VPS13D: variants seen among roughly 807,000 people sequenced by gnomAD.
VPS13D encodes intermembrane lipid transfer protein VPS13D.
A neutral mutation model predicts 461.9 loss-of-function variants in VPS13D; 187 were observed. The ratio of observed to expected loss-of-function variants is 0.40; its 90% CI spans 0.36 to 0.46. The LOEUF (loss-of-function observed/expected upper bound fraction) is 0.46, where lower values mean the gene tolerates loss of function less well. Among genes scored for constraint, VPS13D ranks in the 20% least tolerant of loss-of-function variants. The probability of loss-of-function intolerance (pLI) is 0.60; values close to 1 mark genes in which losing one functional copy is unlikely to be tolerated. For missense variants in VPS13D, 4,711 were observed against 5,364.9 expected (o/e 0.88, Z 3.81); for synonymous variants, 1,951 against 1,986.3 (o/e 0.98, Z 0.47).
At chr1:12,342,808 G>T (rs1643599519) in intron 41 of VPS13D, 91 bp from the exon 42 acceptor site, 4 of 1,426,736 alleles carry the variant, frequency 2.8e-6, no homozygotes, top group Non-Finnish European at 3.8e-6. Flanking sequence ...GAATTGAGTT[G>T]TGAGAAGGTT....
Position 12,268,779 on chromosome 1 carries a change from G to A in VPS13D, c.1875G>A (p.Arg625=), listed in dbSNP as rs1641350155. 6.2e-7 allele frequency: 1 copy of A among 1,614,060 alleles called. No individual in the cohort carries two copies. Among genetic ancestry groups the A allele is most frequent in the East Asian group, 2.2e-5 (1 of 44,876 alleles). Residue 625 remains arginine, a synonymous_variant, in exon 16 of 70, where the codon CGG becomes CGA. Coordinates refer to ENST00000620676, the MANE Select transcript of VPS13D (RefSeq NM_015378.4). ...CGGCGCACAGCCACTTTGAGAGGCG[G>A]CTCAATGTCAGCACAAGGCCCTTGA... ...RNPAHSHFER[R]LNVSTRPLNI...
rs774904340 is a variant in VPS13D, at chr1:12,257,979, A to T, written c.986A>T (p.Glu329Val). ...WYFALNANLY[E>V]IREQRKRCTW... ...TTTGCTTTGAATGCTAACTTGTATG[A>T]GATCAGAGAGCAGAGGAAACGTTGC... is the stretch of plus-strand genomic sequence containing the variant. The change falls in exon 10 of 70, where the codon GAG becomes GTG. Residue 329 changes from glutamate to valine, a missense_variant. Around this residue, in one of 3 missense-constraint regions of VPS13D, gnomAD observed 4,411 missense variants for 4,937.8 expected, o/e 0.89. Transcript: ENST00000620676. 4.3e-6 allele frequency: 7 copies of T among 1,614,050 alleles called. No homozygotes were observed. The East Asian group carries it at 1.6e-4, about 36-fold the overall frequency.
intron 25 of VPS13D, among the ~76,000 whole-genome samples, chr1:12,302,444 G>A (rs1197241788): frequency 6.6e-6 from 1 of 152,130 alleles, no homozygotes; most frequent in Non-Finnish European, 1.5e-5. Context: ...AGTTAGCCTC[G>A]GCAGAAGAAT....
At chr1:12,323,355 T>C (rs1020058488) in intron 34 of VPS13D, among the ~76,000 whole-genome samples, 3 of 152,098 alleles carry the variant, frequency 2.0e-5, no homozygotes, top group Admixed American at 6.5e-5. Flanking sequence ...GGATTACTGG[T>C]GTGAGCCACT....
At chr1:12,274,249 C>T (rs1198163117) in intron 18 of VPS13D, among the ~76,000 whole-genome samples, 1 of 152,206 alleles carries the variant, frequency 6.6e-6, no homozygotes, top group Non-Finnish European at 1.5e-5. Context: ...CCACGTTGGC[C>T]AGTCTGGTCT....
intron 67 of VPS13D, among the ~76,000 whole-genome samples, chr1:12,493,354 G>T (rs1421395709): frequency 6.6e-6 from 1 of 151,874 alleles, no homozygotes; most frequent in African/African-American, 2.4e-5. Flanking sequence ...ATGGTGGCGG[G>T]CGCCTCTAAT....
At chr1:12,401,001 C>A (rs189872819) in intron 61 of VPS13D, among the ~76,000 whole-genome samples, 1 of 151,154 alleles carries the variant, frequency 6.6e-6, no homozygotes, top group Non-Finnish European at 1.5e-5. Flanking sequence ...CACACACACA[C>A]ACAATAACCC....
intron 15 of VPS13D, among the ~76,000 whole-genome samples, chr1:12,268,225 C>G (rs1380604029): frequency 1.4e-5 from 2 of 142,364 alleles, no homozygotes; most frequent in African/African-American, 2.6e-5. Flanking sequence ...GCTGGGATTA[C>G]AAGTGTGAGC....
chr1:12,409,353 C>A (rs1435058314), intron 63 of VPS13D, among the ~76,000 whole-genome samples: 1 of 152,034 alleles, frequency 6.6e-6, no homozygotes, highest in Non-Finnish European at 1.5e-5. Context: ...TAAATGTATT[C>A]TTGTTCCAAA....
In VPS13D at chr1:12,300,983, A is replaced by G. The variant is rs186666627; in HGVS notation, c.6216+1599A>G. Among the ~76,000 whole-genome samples the G allele has an allele frequency of 4.3e-3, 654 of 152,318 alleles. 2 individuals carry two copies. The highest frequency in any genetic ancestry group is 6.8e-3 in the Non-Finnish European group (464 of 68,022). On this transcript the variant is annotated intron_variant, in intron 25 of 69. Coordinates refer to ENST00000620676, the MANE Select transcript of VPS13D (RefSeq NM_015378.4). ...CTGAAATTCCCAGCTACTTATGCCT[A>G]TTTTTAGTATAATAGCTAATAACGT...
intron 46 of VPS13D, among the ~76,000 whole-genome samples, chr1:12,352,638 T>C (rs1643821261): frequency 6.6e-6 from 1 of 152,188 alleles, no homozygotes; most frequent in African/African-American, 2.4e-5. Context: ...ATGGTATAAC[T>C]ACTTTGGAGA....
intron 65 of VPS13D, among the ~76,000 whole-genome samples, chr1:12,432,609 CTTTT>C (rs758179241): frequency 7.2e-6 from 1 of 139,852 alleles, no homozygotes. Flanking sequence ...AATCCTTTCC[CTTTT>C]TTTTTTTTTT....
intron 54 of VPS13D, among the ~76,000 whole-genome samples, chr1:12,373,240 C>G (rs1244237823): frequency 1.3e-5 from 2 of 151,384 alleles, no homozygotes; most frequent in Non-Finnish European, 2.9e-5. Context: ...CATACCTCTG[C>G]CTCGTGAGTA....
rs753368227 is a variant in VPS13D, at chr1:12,355,997, C to T, written c.9778C>T (p.Arg3260Trp). 3 of 1,614,110 alleles carry T rather than the reference C, an allele frequency of 1.9e-6. No individual in the cohort carries two copies. The highest frequency in any genetic ancestry group is 1.7e-5 in the Admixed American group (1 of 60,030). ...VRMRLYDVNR[R>W]QLNLTIRIVC... Reference sequence around the variant, plus strand: ...AATGCGACTCTATGACGTCAACCGTCGGCAGCTGAACCTCACCATCCGGAT... The same window carrying T: ...AATGCGACTCTATGACGTCAACCGTTGGCAGCTGAACCTCACCATCCGGAT... Residue 3260 changes from arginine to tryptophan, a missense_variant, in exon 48 of 70, where the codon CGG (arginine) becomes TGG (tryptophan). Coordinates refer to ENST00000620676, the MANE Select transcript of VPS13D (RefSeq NM_015378.4).
intron 67 of VPS13D, among the ~76,000 whole-genome samples, chr1:12,487,053 C>T (rs1645806944): frequency 6.6e-6 from 1 of 152,146 alleles, no homozygotes; most frequent in South Asian, 2.1e-4. Context: ...CCCTGAGACC[C>T]TCCCAAGAGC....
intron 65 of VPS13D, among the ~76,000 whole-genome samples, chr1:12,436,121 C>T (rs1645057204): frequency 6.6e-6 from 1 of 152,222 alleles, no homozygotes; most frequent in East Asian, 1.9e-4. Flanking sequence ...ATAAACAAAA[C>T]AAAGCCCTCT....
intron 67 of VPS13D, among the ~76,000 whole-genome samples, chr1:12,489,941 G>A (rs1239616258): frequency 6.6e-6 from 1 of 152,192 alleles, no homozygotes; most frequent in Admixed American, 6.5e-5. Flanking sequence ...TGGCTCCAGA[G>A]CCGATCCTCT....
chr1:12,310,821 T>TCCC (rs1642721473), intron 27 of VPS13D, among the ~76,000 whole-genome samples: 1 of 57,188 alleles, frequency 1.7e-5, no homozygotes, highest in Non-Finnish European at 3.3e-5. Flanking sequence ...CCCTCCCTCC[T>TCCC]TCCCTCCTTC....
At chr1:12,401,841 G>A (rs1375667105) in intron 62 of VPS13D, 137 bp downstream of exon 62, 8 of 645,650 alleles carry the variant, frequency 1.2e-5, no homozygotes, top group Admixed American at 5.7e-5. Context: ...AGGAAGCTAA[G>A]GCTTGTGTTT....
Sources: allele counts gnomAD v4.1 joint callset (sites outside exome capture counted in the v4.1 genomes callset), GRCh38; gene constraint gnomAD v4.1.1; regional missense constraint gnomAD v4.1.1; transcripts MANE v1.5; gene names NCBI Gene and HGNC (gene_info 2026-07-23, HGNC 2026-07-21).